The following CDC14A variants were observed in gnomAD, a reference collection of about 807,000 sequenced individuals.
The protein encoded by CDC14A is dual specificity protein phosphatase CDC14A.
In CDC14A, 53 loss-of-function variants were observed where a neutral mutation model predicts 74.4. The ratio of observed to expected loss-of-function variants is 0.71; its 90% CI spans 0.57 to 0.89. The LOEUF (loss-of-function observed/expected upper bound fraction) is 0.89, where lower values mean the gene tolerates loss of function less well. Ranked by LOEUF, CDC14A falls within the 40% of genes least tolerant of loss-of-function variation. The pLI is 0.00. For synonymous variants in CDC14A, 247 were observed against 258.4 expected (o/e 0.96, Z 0.43); for missense variants, 646 against 713.7 (o/e 0.91, Z 1.08).
chr1:100,410,512 G>T (rs1445523674), intron 4 of CDC14A, among the ~76,000 whole-genome samples: 10 of 152,110 alleles, frequency 6.6e-5, no homozygotes, highest in Non-Finnish European at 1.3e-4. Flanking sequence ...TAGAGACAGG[G>T]TTTCACCATG....
intron 11 of CDC14A, among the ~76,000 whole-genome samples, chr1:100,493,469 T>G (rs1024638384): frequency 3.3e-5 from 5 of 152,240 alleles, no homozygotes; most frequent in African/African-American, 1.2e-4. Flanking sequence ...ATTTCTGTTC[T>G]TGCAGGCTTC....
Position 100,462,651 on chromosome 1 carries a change from G to C in CDC14A, c.608G>C (p.Gly203Ala), listed in dbSNP as rs777435637. 4 of 1,612,740 alleles carry C rather than the reference G, an allele frequency of 2.5e-6. No individual in the cohort carries two copies. In the South Asian group the frequency reaches 4.4e-5, roughly 18 times the overall value. ...GCTTACTGCTCCTTTGTTCCTTTAG[G>C]TTATCCTCTTCACGCCCCTGAAGCC... is the stretch of plus-strand genomic sequence containing the variant. ...GPHPKSKIEN[G>A]YPLHAPEAYF... Residue 203 changes from glycine to alanine, a missense_variant and splice_region_variant, in exon 9 of 16, where the codon GGT becomes GCT. Coordinates refer to ENST00000336454, the MANE Select transcript of CDC14A (RefSeq NM_003672.4).
At chr1:100,434,546 T>G (rs1047814055) in intron 5 of CDC14A, among the ~76,000 whole-genome samples, 8 of 152,094 alleles carry the variant, frequency 5.3e-5, no homozygotes, top group African/African-American at 1.9e-4. Flanking sequence ...AGAGTGGGTG[T>G]AGGAAGGCAG....
Position 100,412,725 on chromosome 1 carries a change from T to TTA in CDC14A, c.310-11485_310-11484dup, listed in dbSNP as rs1453619061. Among the ~76,000 whole-genome samples the TTA allele has an allele frequency of 8.4e-5, 7 of 82,924 alleles. 1 individual carries two copies. Among genetic ancestry groups the TTA allele is most frequent in the Admixed American group, 3.5e-4 (3 of 8,524 alleles). 54.4% of individuals were successfully genotyped at this position (82,924 alleles called of 152,430 possible). On this transcript the variant is annotated intron_variant, in intron 4 of 15. Transcript: ENST00000336454. ...ATATATATATATATATATATATATT[T>TTA]TATATATATATATTTTATATATATA...
At chr1:100,397,984 G>C (rs1339750375) in intron 4 of CDC14A, among the ~76,000 whole-genome samples, 1 of 152,192 alleles carries the variant, frequency 6.6e-6, no homozygotes, top group African/African-American at 2.4e-5. Flanking sequence ...TCTCCATTTG[G>C]CTTAGTGGTT....
chr1:100,511,720 C>T (rs1649799528), intron 15 of CDC14A, among the ~76,000 whole-genome samples: 2 of 152,202 alleles, frequency 1.3e-5, no homozygotes, highest in African/African-American at 4.8e-5. Context: ...TCAAGTCTCC[C>T]TCTAAAATGC....
At chr1:100,468,988 G>A (rs986462572) in intron 10 of CDC14A, among the ~76,000 whole-genome samples, 1 of 151,784 alleles carries the variant, frequency 6.6e-6, no homozygotes, top group Non-Finnish European at 1.5e-5. Context: ...TTGAACTCCT[G>A]GGCTCAAGCA....
rs377722191 is a variant in CDC14A at position 100,496,081 on chromosome 1, T to A, written c.1298+32T>A. ...CCAATGAGGTTGAATGTCTAGTAGC[T>A]TGTAAATATATGCTTCCTTTTAGCC... On this transcript the variant is annotated intron_variant, in intron 13 of 15. Transcript: ENST00000336454. 5 of 1,568,414 alleles carry A rather than the reference T, an allele frequency of 3.2e-6. No individual in the cohort carries two copies. The African/African-American group carries it at 5.4e-5, about 17-fold the overall frequency.
At chr1:100,509,681 T>C (rs1649554715) in intron 15 of CDC14A, among the ~76,000 whole-genome samples, 1 of 152,270 alleles carries the variant, frequency 6.6e-6, no homozygotes. Context: ...ACATTGCTTG[T>C]AAAATCATTG....
At chr1:100,347,442 T>G (rs1023900003) in intron 1 of CDC14A, among the ~76,000 whole-genome samples, 4 of 152,188 alleles carry the variant, frequency 2.6e-5, no homozygotes, top group Non-Finnish European at 1.5e-5. Context: ...TCCCTTCTGG[T>G]TTTTACTTCT....
intron 15 of CDC14A, among the ~76,000 whole-genome samples, chr1:100,517,311 A>G (rs1650311195): frequency 1.3e-5 from 2 of 152,244 alleles, no homozygotes; most frequent in African/African-American, 4.8e-5. Flanking sequence ...AGACCTGTTA[A>G]TGAAATGTTA....
intron 15 of CDC14A, among the ~76,000 whole-genome samples, chr1:100,512,299 G>A (rs1327134814): frequency 6.6e-6 from 1 of 151,944 alleles, no homozygotes. Context: ...CAGTATAAGT[G>A]CCTAATAAAT....
chr1:100,401,941 G>A (rs1256963823), intron 4 of CDC14A, among the ~76,000 whole-genome samples: 1 of 152,010 alleles, frequency 6.6e-6, no homozygotes, highest in Non-Finnish European at 1.5e-5. Context: ...AGGAGGCTGA[G>A]GCAGGAGAAT....
At chr1:100,353,570 C>T (rs28361190) in intron 1 of CDC14A, among the ~76,000 whole-genome samples, 192 bp from the exon 2 acceptor site, 102 of 152,290 alleles carry the variant, frequency 6.7e-4, no homozygotes, top group Non-Finnish European at 1.2e-3. Flanking sequence ...CTGAGTTCCT[C>T]GGTCAGGTCC....
rs1224611957 is a variant in CDC14A at position 100,420,013 on chromosome 1, CAT to C, written c.310-4199_310-4198del. Among the ~76,000 whole-genome samples, 439 of 96,558 alleles carry C rather than the reference CAT, an allele frequency of 4.5e-3. 3 individuals are homozygous for C. Among genetic ancestry groups the C allele is most frequent in the African/African-American group, 0.017 (416 of 24,298 alleles). 63.3% of individuals were successfully genotyped at this position (96,558 alleles called of 152,430 possible). A position where few individuals can be genotyped will look rare whatever the true frequency, so the allele number is the denominator to read the frequency against. The stretch of plus-strand genomic sequence containing the variant: ...TCACTTTTAAATATATATATATATA[CAT>C]ATATATATACATATATACACACACA... On this transcript the variant is annotated intron_variant, in intron 4 of 15. Coordinates refer to ENST00000336454, the MANE Select transcript of CDC14A (RefSeq NM_003672.4).
At chr1:100,470,328 C>G (rs1668267430) in intron 10 of CDC14A, among the ~76,000 whole-genome samples, 1 of 151,680 alleles carries the variant, frequency 6.6e-6, no homozygotes, top group South Asian at 2.1e-4. Flanking sequence ...TATGAAAACT[C>G]TATAGCTAAA....
chr1:100,413,021 C>T (rs531683941), intron 4 of CDC14A, among the ~76,000 whole-genome samples: 5 of 151,014 alleles, frequency 3.3e-5, no homozygotes, highest in African/African-American at 1.2e-4. Flanking sequence ...CGTGCCACTG[C>T]GCTCCAGCCT....
intron 9 of CDC14A, among the ~76,000 whole-genome samples, chr1:100,465,217 C>A (rs767059531): frequency 2.6e-5 from 4 of 152,162 alleles, no homozygotes; most frequent in Non-Finnish European, 4.4e-5. Context: ...CCTGCCTCAG[C>A]CTCCCAAAGT....
chr1:100,431,255 AGG>A (rs1663638211), intron 5 of CDC14A, among the ~76,000 whole-genome samples: 3 of 152,044 alleles, frequency 2.0e-5, no homozygotes, highest in Non-Finnish European at 4.4e-5. Flanking sequence ...TGGAACAAGA[AGG>A]TGCTTTGGTG....
Sources: gnomAD v4.1 joint callset for allele counts (sites outside exome capture counted in the v4.1 genomes callset) on GRCh38, gnomAD v4.1.1 for gene constraint, MANE v1.5 for transcripts, NCBI Gene and HGNC (gene_info 2026-07-23, HGNC 2026-07-21) for gene names.